The following DDAH1 variants were observed in gnomAD, a reference collection of about 807,000 sequenced individuals.
DDAH1 encodes the protein N(G),N(G)-dimethylarginine dimethylaminohydrolase 1.
Under a neutral mutation model 28.8 loss-of-function variants are expected in DDAH1, and 19 were observed. That is an observed-to-expected ratio of 0.66 (90% CI 0.46 to 0.97). DDAH1 has a LOEUF of 0.97. DDAH1 is among the 50% of genes least tolerant of loss of function. DDAH1 has a pLI of 0.00. For missense variants in DDAH1, 326 were observed against 375.9 expected (o/e 0.87, Z 1.10); for synonymous variants, 153 against 154.4 (o/e 0.99, Z 0.07).
At chr1:85,520,820 C>A (rs1292902351) in intron 1 of DDAH1, among the ~76,000 whole-genome samples, 2 of 152,160 alleles carry the variant, frequency 1.3e-5, no homozygotes, top group African/African-American at 4.8e-5. Context: ...ATTTTATGGG[C>A]ATAAACACAG....
intron 1 of DDAH1, among the ~76,000 whole-genome samples, chr1:85,424,678 C>T (rs1653310916): frequency 6.6e-6 from 1 of 151,942 alleles, no homozygotes; most frequent in South Asian, 2.1e-4. Context: ...GTCAATTTTC[C>T]TGAGTTCCCT....
rs142358401 is a variant in DDAH1 at position 85,352,817 on chromosome 1, C to T, written c.404-1238G>A. Among the ~76,000 whole-genome samples, 738 of 151,554 alleles carry T rather than the reference C, an allele frequency of 4.9e-3. 6 individuals carry two copies. The highest frequency in any genetic ancestry group is 0.016 in the African/African-American group (678 of 41,360). ...AAAATGGTTTTGTTATATGTCACTT[C>T]GCTTAAAAGTCACAGTTTCCATGAA... On this transcript the variant is annotated intron_variant, in intron 2 of 5. Transcript: ENST00000284031.
chr1:85,476,167 A>G (rs1655797684), intron 2 of DDAH1, among the ~76,000 whole-genome samples: 1 of 152,124 alleles, frequency 6.6e-6, no homozygotes, highest in East Asian at 1.9e-4. Context: ...CAGCCTCAAG[A>G]TAGTTGTTAC....
intron 1 of DDAH1, among the ~76,000 whole-genome samples, chr1:85,528,394 A>G (rs2100770753): frequency 6.6e-6 from 1 of 152,300 alleles, no homozygotes; most frequent in South Asian, 2.1e-4. Flanking sequence ...AGCCCTTTGC[A>G]AAATTTCATA....
intron 1 of DDAH1, among the ~76,000 whole-genome samples, chr1:85,417,185 C>A (rs1319912520): frequency 6.6e-6 from 1 of 152,084 alleles, no homozygotes; most frequent in African/African-American, 2.4e-5. Context: ...AATCTGAGAC[C>A]CCGACAGCCA....
At chr1:85,560,730 T>C (rs182044208) in intron 1 of DDAH1, among the ~76,000 whole-genome samples, 232 of 152,176 alleles carry the variant, frequency 1.5e-3, no homozygotes, top group Middle Eastern at 6.9e-3. Flanking sequence ...TTAAATCCTT[T>C]GGAGAAACTA....
At chr1:85,447,262 T>C (rs1334670668) in intron 1 of DDAH1, among the ~76,000 whole-genome samples, 1 of 152,226 alleles carries the variant, frequency 6.6e-6, no homozygotes, top group African/African-American at 2.4e-5. Context: ...ATTTATAGGC[T>C]GGCCAGCTAT....
At chr1:85,331,361 G>A (rs1431680051) in intron 4 of DDAH1, among the ~76,000 whole-genome samples, 3 of 151,834 alleles carry the variant, frequency 2.0e-5, no homozygotes, top group South Asian at 2.1e-4. Context: ...AGTTAGAGAT[G>A]TTTAGGGAAT....
At position 85,422,988 on chromosome 1, in the gene DDAH1, T is replaced by C. The variant is rs371637757; in HGVS notation, c.303+41755A>G. On this transcript the variant is annotated intron_variant, in intron 1 of 5. Transcript: ENST00000284031. Reference sequence around the variant, plus strand: ...CCTATGAGAAAATAAAAATTTCTGTTGTTTAAGCCACCCAATCTATGGCAT... The same window carrying C: ...CCTATGAGAAAATAAAAATTTCTGTCGTTTAAGCCACCCAATCTATGGCAT... 2.4e-4 allele frequency among the ~76,000 whole-genome samples: 36 copies of C among 152,302 alleles called. 1 individual carries two copies. The East Asian group carries it at 2.7e-3, about 11-fold the overall frequency.
chr1:85,347,897 G>A (rs944398014), intron 4 of DDAH1, among the ~76,000 whole-genome samples: 1 of 152,126 alleles, frequency 6.6e-6, no homozygotes, highest in Non-Finnish European at 1.5e-5. Flanking sequence ...TCGAACCTGT[G>A]ACTATTTCCT....
chr1:85,499,947 T>C (rs1656734885), intron 1 of DDAH1, among the ~76,000 whole-genome samples: 1 of 152,230 alleles, frequency 6.6e-6, no homozygotes, highest in Non-Finnish European at 1.5e-5. Context: ...TCATTTCTTT[T>C]AGCCTGAAGA....
rs148897578 is a variant in DDAH1, at chr1:85,564,208, G to A, written c.-123+13776C>T. On this transcript the variant is annotated intron_variant, in intron 1 of 6. Coordinates refer to the DDAH1 transcript ENST00000426972. The stretch of plus-strand genomic sequence containing the variant: ...AAACAAAACAAAACAAAACTACAAT[G>A]TCTGAGATAAAAAAATATATATAAT... Among the ~76,000 whole-genome samples the A allele has an allele frequency of 2.6e-4, 36 of 137,810 alleles. No individual in the cohort carries two copies. The Middle Eastern group carries it at 0.011, about 44-fold the overall frequency. The allele number at this position is 137,810 out of a possible 152,430, so 90.4% of individuals were successfully genotyped here.
At chr1:85,324,650 GA>G in intron 5 of DDAH1, 89 bp downstream of exon 5, 1 of 1,416,200 alleles carries the variant, frequency 7.1e-7, no homozygotes, top group Non-Finnish European at 9.8e-7. Flanking sequence ...ATGTATACAG[GA>G]AAAGGAGGCT....
intron 4 of DDAH1, among the ~76,000 whole-genome samples, chr1:85,328,233 AC>A (rs1647533351): frequency 6.6e-6 from 1 of 152,244 alleles, no homozygotes; most frequent in African/African-American, 2.4e-5. Context: ...ATCTGGAATT[AC>A]CTGCAGAGTA....
At chr1:85,518,650 T>C (rs1657557251) in intron 1 of DDAH1, among the ~76,000 whole-genome samples, 1 of 152,188 alleles carries the variant, frequency 6.6e-6, no homozygotes. Context: ...CTCAAGTGAT[T>C]AGATTGGGTG....
chr1:85,350,848 T>C (rs1163791695), intron 3 of DDAH1, among the ~76,000 whole-genome samples: 1 of 152,100 alleles, frequency 6.6e-6, no homozygotes, highest in Non-Finnish European at 1.5e-5. Flanking sequence ...CACATCCTCA[T>C]GGGGAACGGA....
In DDAH1 at chr1:85,565,441, C is replaced by A. The variant is rs1323994192; in HGVS notation, c.-123+12543G>T. Among the ~76,000 whole-genome samples, 8 of 152,092 alleles carry A rather than the reference C, an allele frequency of 5.3e-5. No homozygotes were observed. The East Asian group carries it at 1.5e-3, about 29-fold the overall frequency. ...CTAGTTATTAGTATTGCTCTCATGT[C>A]AATTTCCTGGTTTGATATTGTACTA... On this transcript the variant is annotated intron_variant, in intron 1 of 6. Transcript: ENST00000426972.
At chr1:85,404,840 T>C (rs1160121486) in intron 1 of DDAH1, among the ~76,000 whole-genome samples, 1 of 152,210 alleles carries the variant, frequency 6.6e-6, no homozygotes, top group Non-Finnish European at 1.5e-5. Context: ...CTGTTCTCAC[T>C]GACCCATCAC....
intron 3 of DDAH1, among the ~76,000 whole-genome samples, chr1:85,350,747 A>C (rs1649150381): frequency 6.6e-6 from 1 of 152,178 alleles, no homozygotes; most frequent in Non-Finnish European, 1.5e-5. Flanking sequence ...GACTGCTGCA[A>C]CATCTTTGCT....
Sources: gnomAD v4.1 joint callset for allele counts (sites outside exome capture counted in the v4.1 genomes callset) on GRCh38, gnomAD v4.1.1 for gene constraint, MANE v1.5 for transcripts, NCBI Gene and HGNC (gene_info 2026-07-23, HGNC 2026-07-21) for gene names.